Variants in OR1J2 observed in about 807,000 individuals in gnomAD.
OR1J2 encodes the protein olfactory receptor 1J2.
For missense variants in OR1J2, 304 were observed against 246.1 expected (o/e 1.24, Z -1.57); for synonymous variants, 142 against 99.7 (o/e 1.42, Z -2.52).
the OR1J2 span, among the ~76,000 whole-genome samples, chr9:122,532,382 C>T: frequency 3.3e-5 from 5 of 151,934 alleles, no homozygotes; most frequent in South Asian, 4.2e-4. Flanking sequence ...CTGGTGGAAC[C>T]GCCATCAATA....
the OR1J2 span, among the ~76,000 whole-genome samples, chr9:122,503,625 A>G: frequency 6.6e-6 from 1 of 152,208 alleles, no homozygotes. Context: ...TTGACATAAG[A>G]TATAAAAACC....
the OR1J2 span, among the ~76,000 whole-genome samples, chr9:122,497,284 G>A: frequency 4.6e-5 from 7 of 152,288 alleles, no homozygotes; most frequent in South Asian, 2.1e-4. Flanking sequence ...GAGTCCCCAC[G>A]TGCTTCTCTG....
At chr9:122,534,416 G>T in the OR1J2 span, among the ~76,000 whole-genome samples, 1 of 152,118 alleles carries the variant, frequency 6.6e-6, no homozygotes. Flanking sequence ...ACTGGACTGG[G>T]TATTAATATT....
the OR1J2 span, chr9:122,526,658 A>C: frequency 3.1e-6 from 5 of 1,614,144 alleles, no homozygotes; most frequent in African/African-American, 6.7e-5. Flanking sequence ...AGGAGGTGAC[A>C]ATGCATAAAA....
chr9:122,470,299 A>G, the OR1J2 span, among the ~76,000 whole-genome samples: 1 of 152,224 alleles, frequency 6.6e-6, no homozygotes, highest in East Asian at 1.9e-4. Flanking sequence ...GAAAGGGGCC[A>G]ACATAGAGCT....
the OR1J2 span, among the ~76,000 whole-genome samples, chr9:122,479,638 C>T: frequency 6.6e-6 from 1 of 152,172 alleles, no homozygotes; most frequent in African/African-American, 2.4e-5. Flanking sequence ...GATGCTGTTA[C>T]TCTATTCTAA....
the OR1J2 span, among the ~76,000 whole-genome samples, chr9:122,528,817 A>T: frequency 1.3e-5 from 2 of 152,222 alleles, no homozygotes; most frequent in Non-Finnish European, 2.9e-5. Flanking sequence ...AAGTGATTGA[A>T]AAAGTTTACA....
the OR1J2 span, among the ~76,000 whole-genome samples, chr9:122,537,821 A>G: frequency 2.0e-5 from 3 of 152,176 alleles, no homozygotes; most frequent in Non-Finnish European, 4.4e-5. Flanking sequence ...TTAATAGGCA[A>G]AAGGAAGAGA....
chr9:122,495,341 T>C, the OR1J2 span, among the ~76,000 whole-genome samples: 4 of 152,206 alleles, frequency 2.6e-5, no homozygotes, highest in Non-Finnish European at 5.9e-5. Flanking sequence ...GTTTGGACAT[T>C]TAACATAGTC....
the OR1J2 span, chr9:122,527,135 G>A: frequency 5.6e-6 from 9 of 1,614,102 alleles, no homozygotes; most frequent in East Asian, 2.2e-5. Context: ...TGGGGGTGTG[G>A]AGGTGCAGGT....
At chr9:122,545,376 A>G in the OR1J2 span, among the ~76,000 whole-genome samples, 1 of 152,174 alleles carries the variant, frequency 6.6e-6, no homozygotes, top group Non-Finnish European at 1.5e-5. Flanking sequence ...TTGATTAATC[A>G]TTCTATCTAC....
the OR1J2 span, among the ~76,000 whole-genome samples, chr9:122,480,011 T>G: frequency 6.6e-6 from 1 of 152,342 alleles, no homozygotes; most frequent in South Asian, 2.1e-4. Flanking sequence ...AAAAGTAATT[T>G]TAACAGGAAT....
chr9:122,551,752 G>A, the OR1J2 span, among the ~76,000 whole-genome samples: 3,781 of 152,144 alleles, frequency 0.025, 273 homozygotes, highest in East Asian at 0.29. Flanking sequence ...CACCGAGGTC[G>A]ACCTTAACGA....
chr9:122,509,261 G>C (rs1025461617), upstream of OR1J2, among the ~76,000 whole-genome samples: 1 of 152,160 alleles, frequency 6.6e-6, no homozygotes, highest in Non-Finnish European at 1.5e-5. Flanking sequence ...CTGACTAGGA[G>C]GTGTTGTGTT....
At chr9:122,452,232 C>G in the OR1J2 span, among the ~76,000 whole-genome samples, 1 of 152,238 alleles carries the variant, frequency 6.6e-6, no homozygotes, top group East Asian at 1.9e-4. Flanking sequence ...GGAGCACTGC[C>G]CATCTGTCCA....
chr9:122,570,943 A>T, the OR1J2 span, among the ~76,000 whole-genome samples: 1 of 152,192 alleles, frequency 6.6e-6, no homozygotes, highest in Admixed American at 6.5e-5. Context: ...AGGCTTAGAG[A>T]GGTGAAGTGA....
chr9:122,531,934 C>A, the OR1J2 span, among the ~76,000 whole-genome samples: 27,414 of 151,892 alleles, frequency 0.18, 2,689 homozygotes, highest in Middle Eastern at 0.28. Context: ...ATTTTAGTTT[C>A]CTGACTCGGG....
At chr9:122,529,086 A>T in the OR1J2 span, among the ~76,000 whole-genome samples, 2 of 152,248 alleles carry the variant, frequency 1.3e-5, no homozygotes, top group Non-Finnish European at 2.9e-5. Context: ...TTGCGTATGT[A>T]TCTATCCCTG....
chr9:122,477,750 C>T, the OR1J2 span: 1 of 1,614,022 alleles, frequency 6.2e-7, no homozygotes, highest in Non-Finnish European at 8.5e-7. Context: ...GGAAGAAGTA[C>T]ATGGGGGTGT....
Sources: allele counts gnomAD v4.1 joint callset (sites outside exome capture counted in the v4.1 genomes callset), GRCh38; gene constraint gnomAD v4.1.1; transcripts MANE v1.5; gene names NCBI Gene and HGNC (gene_info 2026-07-23, HGNC 2026-07-21).